Variants in SLC30A6 observed in about 807,000 individuals in gnomAD.
SLC30A6 encodes the protein solute carrier family 30 member 6, also known as zinc transporter 6.
A neutral mutation model predicts 63.0 loss-of-function variants in SLC30A6; 55 were observed. The ratio of observed to expected loss-of-function variants is 0.87; its 90% confidence interval spans 0.70 to 1.09. The LOEUF (loss-of-function observed/expected upper bound fraction) is 1.09, where lower values mean the gene tolerates loss of function less well. Ranked by LOEUF, SLC30A6 falls within the 50% of genes least tolerant of loss-of-function variation. The pLI is 0.00. For synonymous variants in SLC30A6, 224 were observed against 186.1 expected, an observed-to-expected ratio of 1.20 and a Z score of -1.66; for missense variants, 587 against 549.2, an observed-to-expected ratio of 1.07 and a Z score of -0.69.
chr2:32,215,545 G>C (rs1379070131), intron 13 of SLC30A6, among the ~76,000 whole-genome samples: 1 of 140,300 alleles, frequency 7.1e-6, no homozygotes, highest in East Asian at 2.0e-4. Flanking sequence ...GTTCTTATTA[G>C]GCAAATAGTA....
At chr2:32,205,867 T>A (rs1481700890) in intron 11 of SLC30A6, among the ~76,000 whole-genome samples, 3 of 151,648 alleles carry the variant, frequency 2.0e-5, no homozygotes, top group Admixed American at 2.0e-4. Flanking sequence ...GGGGTTTCAC[T>A]ACATTGACCA....
At chr2:32,189,125 T>C (rs1683095065) in intron 5 of SLC30A6, among the ~76,000 whole-genome samples, 1 of 152,296 alleles carries the variant, frequency 6.6e-6, no homozygotes, top group South Asian at 2.1e-4. Context: ...TGGGTATGTG[T>C]ATCTTTGAGT....
chr2:32,189,768 C>T (rs1463624893), intron 5 of SLC30A6, among the ~76,000 whole-genome samples: 1 of 151,636 alleles, frequency 6.6e-6, no homozygotes, highest in Non-Finnish European at 1.5e-5. Context: ...CCCACCATGC[C>T]TGGCTAATTT....
intron 1 of SLC30A6, 45 bp downstream of exon 1, chr2:32,165,948 G>T (rs1338497600): frequency 6.2e-7 from 1 of 1,614,068 alleles, no homozygotes; most frequent in Admixed American, 1.7e-5. Context: ...AGCTGATTCG[G>T]TTTATCTTAT....
rs868268752 is a variant in SLC30A6 at position 32,203,382 on chromosome 2, C to T, written c.666-1208C>T. 3.1e-5 allele frequency: 33 copies of T among 1,067,110 alleles called. 2 individuals are homozygous for T. The Middle Eastern group carries it at 2.1e-3, about 67-fold the overall frequency. 66.1% of individuals were successfully genotyped at this position (1,067,110 alleles called of 1,614,324 possible). A position where few individuals can be genotyped will look rare whatever the true frequency, so the allele number is the denominator to read the frequency against. On this transcript the variant is annotated intron_variant, in intron 10 of 13. Coordinates refer to ENST00000282587, the MANE Select transcript of SLC30A6 (RefSeq NM_017964.5). Reference sequence around the variant, plus strand: ...ATGGATTTAGTTAAATCTAAAAGCACGGATGCCATAAGGTCTCTGGCTTCT... The same window carrying T: ...ATGGATTTAGTTAAATCTAAAAGCATGGATGCCATAAGGTCTCTGGCTTCT...
chr2:32,203,769 G>A, intron 10 of SLC30A6: 1 of 1,501,674 alleles, frequency 6.7e-7, no homozygotes, highest in Non-Finnish European at 9.3e-7. Flanking sequence ...TATTCTCAGT[G>A]CCAGCCAAAT....
chr2:32,190,288 A>G (rs558188290), intron 5 of SLC30A6, among the ~76,000 whole-genome samples: 13 of 151,942 alleles, frequency 8.6e-5, no homozygotes, highest in African/African-American at 2.4e-4. Context: ...GTGAAACCCC[A>G]TCTCTACTAA....
At chr2:32,206,712 G>A (rs1684807542) in intron 11 of SLC30A6, among the ~76,000 whole-genome samples, 174 bp from the exon 12 acceptor site, 1 of 152,104 alleles carries the variant, frequency 6.6e-6, no homozygotes, top group Non-Finnish European at 1.5e-5. Flanking sequence ...TGGGCCAGTT[G>A]ATGATGTTGT....
intron 4 of SLC30A6, among the ~76,000 whole-genome samples, chr2:32,181,517 T>G (rs1682308635): frequency 6.6e-6 from 1 of 152,230 alleles, no homozygotes. Context: ...GATTTCTTAT[T>G]ATTAACAAAT....
At position 32,220,294 on chromosome 2, in the gene SLC30A6, C is replaced by T; in HGVS notation, c.967C>T (p.Leu323=). 1 of 1,614,176 alleles carries T rather than the reference C, an allele frequency of 6.2e-7. No individual in the cohort carries two copies. The highest frequency in any genetic ancestry group is 8.5e-7 in the Non-Finnish European group (1 of 1,180,022). Residue 323 remains leucine, a synonymous_variant, in exon 14 of 14, where the codon CTA becomes TTA. Coordinates refer to ENST00000282587, the MANE Select transcript of SLC30A6 (RefSeq NM_017964.5). ...TCATGTGACCAACAGGCTGTACACT[C>T]TAGTGTCTACTCTAACTGTTCAAAT... ...LAHVTNRLYT[L]VSTLTVQIFK...
chr2:32,186,766 G>C (rs1330973904), intron 5 of SLC30A6, among the ~76,000 whole-genome samples: 2 of 151,810 alleles, frequency 1.3e-5, no homozygotes, highest in Non-Finnish European at 2.9e-5. Flanking sequence ...GGGAGGCCCA[G>C]GTGGTCGATC....
In SLC30A6 at chr2:32,195,714, TA is replaced by T. The variant is rs1394233543; in HGVS notation, c.497-1629del. 6.8e-4 allele frequency among the ~76,000 whole-genome samples: 103 copies of T among 150,418 alleles called. 3 individuals are homozygous for T. Among genetic ancestry groups the T allele is most frequent in the Non-Finnish European group, 1.3e-4 (9 of 67,626 alleles). On this transcript the variant is annotated intron_variant, in intron 8 of 13. Coordinates refer to ENST00000282587, the MANE Select transcript of SLC30A6 (RefSeq NM_017964.5). ...ATTATATTATATTTATTTATTTATT[TA>T]TTTTTTAATAGAGACAAAGTCTACC...
chr2:32,209,252 G>GT (rs1685047719), intron 12 of SLC30A6, among the ~76,000 whole-genome samples: 1 of 152,244 alleles, frequency 6.6e-6, no homozygotes, highest in Admixed American at 6.5e-5. Context: ...AAACTGAGCA[G>GT]TGGGGACCTG....
chr2:32,204,731 C>T, intron 11 of SLC30A6, 39 bp downstream of exon 11: 1 of 1,272,596 alleles, frequency 7.9e-7, no homozygotes, highest in Admixed American at 1.7e-5. Flanking sequence ...TAATATTAGC[C>T]ATGTTCTTCT....
intron 7 of SLC30A6, among the ~76,000 whole-genome samples, 189 bp from the exon 8 acceptor site, chr2:32,193,700 A>G (rs534831260): frequency 6.6e-6 from 1 of 152,312 alleles, no homozygotes; most frequent in Non-Finnish European, 1.5e-5. Flanking sequence ...CCTTTGTAAG[A>G]TGGAGCAACA....
At chr2:32,171,266 T>A in intron 1 of SLC30A6, 21 bp from the exon 2 acceptor site, 1 of 1,597,624 alleles carries the variant, frequency 6.3e-7, no homozygotes, top group African/African-American at 1.3e-5. Context: ...AAATGCTGAT[T>A]TGTATATGTT....
At chr2:32,176,157 A>G (rs1681718734) in intron 4 of SLC30A6, among the ~76,000 whole-genome samples, 1 of 152,116 alleles carries the variant, frequency 6.6e-6, no homozygotes, top group South Asian at 2.1e-4. Context: ...GGAAGAAAAA[A>G]ATTATAATTC....
chr2:32,170,622 A>G (rs1485255332), intron 1 of SLC30A6, among the ~76,000 whole-genome samples: 1 of 152,176 alleles, frequency 6.6e-6, no homozygotes, highest in Non-Finnish European at 1.5e-5. Flanking sequence ...TTTTTGAGAC[A>G]GAGTCTCACT....
chr2:32,199,411 A>G (rs1052584178), intron 10 of SLC30A6, among the ~76,000 whole-genome samples: 9 of 152,134 alleles, frequency 5.9e-5, no homozygotes, highest in Non-Finnish European at 1.2e-4. Flanking sequence ...TATCTAATTT[A>G]TTTAATTTTT....
Sources: gnomAD v4.1 joint callset for allele counts (sites outside exome capture counted in the v4.1 genomes callset) on GRCh38, gnomAD v4.1.1 for gene constraint, MANE v1.5 for transcripts, NCBI Gene and HGNC (gene_info 2026-07-23, HGNC 2026-07-21) for gene names.